Variants in BCAS3 observed in about 807,000 individuals in gnomAD.
BCAS3 encodes the protein BCAS4/BCAS3 fusion.
Under a neutral mutation model 116.1 loss-of-function variants are expected in BCAS3, and 53 were observed. The ratio of observed to expected loss-of-function variants is 0.46; its 90% CI spans 0.37 to 0.57. The LOEUF (loss-of-function observed/expected upper bound fraction) is 0.57, where lower values mean the gene tolerates loss of function less well. BCAS3 is among the 20% of genes least tolerant of loss of function. BCAS3 has a pLI of 0.00. For synonymous variants in BCAS3, 391 were observed against 408.2 expected (o/e 0.96, Z 0.51); for missense variants, 917 against 1,165.4 (o/e 0.79, Z 3.10).
intron 7 of BCAS3, among the ~76,000 whole-genome samples, chr17:60,846,120 G>A (rs1163148699): frequency 2.0e-5 from 3 of 151,038 alleles, no homozygotes; most frequent in African/African-American, 7.3e-5. Flanking sequence ...TGTAGAAAGG[G>A]GGTCTTGCTT....
At chr17:61,158,171 G>A (rs756763146) in intron 22 of BCAS3, among the ~76,000 whole-genome samples, 16 of 152,038 alleles carry the variant, frequency 1.1e-4, no homozygotes, top group Admixed American at 5.2e-4. Flanking sequence ...TTTATACTCC[G>A]ACATTTTTTC....
intron 6 of BCAS3, among the ~76,000 whole-genome samples, chr17:60,794,941 GTGATGGTGGTATTT>G (rs1193671424): frequency 1.3e-5 from 2 of 152,080 alleles, no homozygotes; most frequent in Non-Finnish European, 2.9e-5. Flanking sequence ...TCTGTGAAGA[GTGATGGTGGTATTT>G]TGATGGGGAT....
rs2065771597 is a variant in BCAS3 at position 61,020,153 on chromosome 17, T to C, written c.1637+4252T>C. Among the ~76,000 whole-genome samples the C allele has an allele frequency of 6.6e-6, 1 of 152,178 alleles. No homozygotes were observed. The highest frequency in any genetic ancestry group is 6.5e-5 in the Admixed American group (1 of 15,284). ...TAGAGATTTCTAAAGATTTCTAGGA[T>C]CCAGTAATTAAATACCCAAATTGAG... is the stretch of plus-strand genomic sequence containing the variant. On this transcript the variant is annotated intron_variant, in intron 16 of 23. Transcript: ENST00000407086. The surrounding 1 kb of genome is among the most constrained non-coding windows in gnomAD (Gnocchi z 4.5).
At chr17:61,183,621 G>T (rs1028379166) in intron 22 of BCAS3, among the ~76,000 whole-genome samples, 18 of 152,252 alleles carry the variant, frequency 1.2e-4, no homozygotes, top group African/African-American at 4.3e-4. Flanking sequence ...AGTGCAGTTT[G>T]CTGTGAGTTT....
At chr17:60,829,837 GT>G (rs1261242272) in intron 7 of BCAS3, among the ~76,000 whole-genome samples, 2 of 152,084 alleles carry the variant, frequency 1.3e-5, no homozygotes, top group Non-Finnish European at 1.5e-5. Flanking sequence ...CATTTCCTGT[GT>G]TGATGATATC....
At chr17:61,267,420 A>G (rs1207442865) in intron 22 of BCAS3, among the ~76,000 whole-genome samples, 1 of 151,848 alleles carries the variant, frequency 6.6e-6, no homozygotes, top group Non-Finnish European at 1.5e-5. Flanking sequence ...TCATGATGTC[A>G]AGACTTTTAT....
At chr17:60,690,850 G>A (rs1427160390) in intron 4 of BCAS3, among the ~76,000 whole-genome samples, 1 of 151,860 alleles carries the variant, frequency 6.6e-6, no homozygotes, top group South Asian at 2.1e-4. Flanking sequence ...AACCCAGGAG[G>A]TGGAGGCTGC....
intron 19 of BCAS3, among the ~76,000 whole-genome samples, chr17:61,071,352 A>G (rs1463935722): frequency 6.6e-6 from 1 of 152,202 alleles, no homozygotes; most frequent in Non-Finnish European, 1.5e-5. Context: ...TTTCCTTTTA[A>G]AGAATAATGT....
intron 13 of BCAS3, among the ~76,000 whole-genome samples, chr17:60,937,698 T>G (rs1328394185): frequency 6.6e-6 from 1 of 152,204 alleles, no homozygotes; most frequent in Non-Finnish European, 1.5e-5. Context: ...CTCCATGAAA[T>G]CCTCTTCTTT....
intron 4 of BCAS3, among the ~76,000 whole-genome samples, chr17:60,695,261 C>T (rs1278060560): frequency 1.3e-5 from 2 of 151,950 alleles, no homozygotes; most frequent in African/African-American, 4.8e-5. Flanking sequence ...TCTGGGACTA[C>T]AGGCGTGCGC....
In BCAS3 at chr17:61,219,284, C is replaced by A. The variant is rs750216943; in HGVS notation, c.2425+134720C>A. 4.1e-4 allele frequency among the ~76,000 whole-genome samples: 63 copies of A among 152,042 alleles called. No individual in the cohort carries two copies. Among genetic ancestry groups the A allele is most frequent in the Non-Finnish European group, 7.9e-4 (54 of 68,006 alleles). On this transcript the variant is annotated intron_variant, in intron 22 of 23. Coordinates refer to ENST00000407086, the MANE Select transcript of BCAS3 (RefSeq NM_017679.5). This position sits in a 1 kb window ranked among gnomAD's most constrained non-coding sequence, Gnocchi z 5.2. ...AATCCTGTGTCTCAGTGGTACCCAG[C>A]GATACCCTGGAGAGGAACATTCCAG...
chr17:61,045,519 GAA>G (rs1199989344), intron 19 of BCAS3, among the ~76,000 whole-genome samples: 2 of 110,942 alleles, frequency 1.8e-5, no homozygotes, highest in African/African-American at 3.2e-5. Flanking sequence ...TCTTAAGAAA[GAA>G]AAAAAAAAAA....
intron 4 of BCAS3, among the ~76,000 whole-genome samples, chr17:60,692,105 A>G (rs2143867388): frequency 6.6e-6 from 1 of 152,168 alleles, no homozygotes; most frequent in East Asian, 1.9e-4. Flanking sequence ...TGGTCATTTC[A>G]AAGTTATTTC....
rs869090870 is a variant in BCAS3 at position 61,059,063 on chromosome 17, C to CTTTTTTTTTTTTTTTTTTTTTTTTTTTT, written c.2030-15847_2030-15820dup. Among the ~76,000 whole-genome samples, 5 of 32,802 alleles carry CTTTTTTTTTTTTTTTTTTTTTTTTTTTT rather than the reference C, an allele frequency of 1.5e-4. 1 individual carries two copies. Among genetic ancestry groups the CTTTTTTTTTTTTTTTTTTTTTTTTTTTT allele is most frequent in the Non-Finnish European group, 3.2e-4 (5 of 15,840 alleles). 21.5% of individuals were successfully genotyped at this position (32,802 alleles called of 152,430 possible). A position where few individuals can be genotyped will look rare whatever the true frequency, so the allele number is the denominator to read the frequency against. On this transcript the variant is annotated intron_variant, in intron 19 of 23. Transcript: ENST00000407086. ...TCCCCGAACTCTTTTTTCTCCCCATCTTTTTTTTTTTTTTTTTTTTTTTTT... is the reference window on the plus strand; with the variant it reads ...TCCCCGAACTCTTTTTTCTCCCCATCTTTTTTTTTTTTTTTTTTTTTTTTTTTTTTTTTTTTTTTTTTTTTTTTTTTTT...
intron 14 of BCAS3, among the ~76,000 whole-genome samples, chr17:60,963,680 C>T (rs901293575): frequency 1.3e-5 from 2 of 151,778 alleles, no homozygotes; most frequent in African/African-American, 2.4e-5. Context: ...CTCAGCCTCC[C>T]GAGTAGCTGG....
rs1002240518 is a variant in BCAS3, at chr17:61,208,542, G to C, written c.2425+123978G>C. 6.6e-6 allele frequency among the ~76,000 whole-genome samples: 1 copy of C among 152,110 alleles called. No individual in the cohort carries two copies. Among genetic ancestry groups the C allele is most frequent in the African/African-American group, 2.4e-5 (1 of 41,420 alleles). ...TCTCATTAGCTCAGCTTAATTTGAG[G>C]ATGTTCTGAAAAGAGAGAGGGAGAA... On this transcript the variant is annotated intron_variant, in intron 22 of 23. Coordinates refer to ENST00000407086, the MANE Select transcript of BCAS3 (RefSeq NM_017679.5). The surrounding 1 kb of genome is among the most constrained non-coding windows in gnomAD (Gnocchi z 4.5).
intron 22 of BCAS3, among the ~76,000 whole-genome samples, chr17:61,240,908 A>C (rs758427474): frequency 2.6e-5 from 4 of 152,234 alleles, no homozygotes; most frequent in Non-Finnish European, 5.9e-5. Context: ...TGTTATTCTT[A>C]GAATGATTTG....
intron 16 of BCAS3, among the ~76,000 whole-genome samples, chr17:61,031,419 G>C (rs1002518269): frequency 6.6e-6 from 1 of 151,998 alleles, no homozygotes; most frequent in African/African-American, 2.4e-5. Context: ...TTCTACTTCT[G>C]CCAAGCTTTC....
intron 22 of BCAS3, among the ~76,000 whole-genome samples, chr17:61,234,217 G>A (rs1219626426): frequency 2.6e-5 from 4 of 152,140 alleles, no homozygotes; most frequent in African/African-American, 9.7e-5. Context: ...AACCATTAGT[G>A]CTCACTTTCT....
Sources: allele counts gnomAD v4.1 joint callset (sites outside exome capture counted in the v4.1 genomes callset), GRCh38; gene constraint gnomAD v4.1.1; non-coding constraint Gnocchi (gnomAD v3.1); transcripts MANE v1.5; gene names NCBI Gene and HGNC (gene_info 2026-07-23, HGNC 2026-07-21).